Variants in GPM6A observed in about 807,000 individuals in gnomAD.
GPM6A encodes the protein glycoprotein M6A, also known as neuronal membrane glycoprotein M6-a.
GPM6A carries 7 observed loss-of-function variants against 32.1 expected under a neutral mutation model. That is an observed-to-expected ratio of 0.22 (90% CI 0.12 to 0.41). GPM6A has a LOEUF of 0.41. GPM6A is among the 10% of genes least tolerant of loss of function. The pLI, the probability that GPM6A is intolerant of heterozygous loss-of-function variation, is 1.00. For synonymous variants in GPM6A, 130 were observed against 123.4 expected (o/e 1.05, Z -0.35); for missense variants, 235 against 347.2 (o/e 0.68, Z 2.57).
At chr4:175,830,324 CAT>C (rs1258323832) in intron 1 of GPM6A, among the ~76,000 whole-genome samples, 3 of 152,146 alleles carry the variant, frequency 2.0e-5, no homozygotes, top group Non-Finnish European at 4.4e-5. Context: ...ACGTTTGCTA[CAT>C]CACATTTTTT....
chr4:175,823,485 G>T (rs1480674040), intron 1 of GPM6A, among the ~76,000 whole-genome samples: 1 of 152,188 alleles, frequency 6.6e-6, no homozygotes, highest in Non-Finnish European at 1.5e-5. Context: ...ACAGACAAGG[G>T]GGAGGGGTGT....
At chr4:175,835,933 G>A (rs1362485132) in intron 1 of GPM6A, among the ~76,000 whole-genome samples, 3 of 147,556 alleles carry the variant, frequency 2.0e-5, no homozygotes, top group Non-Finnish European at 4.5e-5. Flanking sequence ...TGTAGAACGT[G>A]GAAAGTTTTT....
At chr4:175,650,666 GA>G (rs907387991) in intron 4 of GPM6A, among the ~76,000 whole-genome samples, 1 of 152,146 alleles carries the variant, frequency 6.6e-6, no homozygotes, top group African/African-American at 2.4e-5. Context: ...CACGGGGACT[GA>G]AGGCTTCATC....
chr4:175,656,842 A>T (rs1039958862), intron 3 of GPM6A, among the ~76,000 whole-genome samples: 4 of 152,104 alleles, frequency 2.6e-5, no homozygotes, highest in African/African-American at 9.7e-5. Context: ...AAGCCAGCTG[A>T]CTCTGATTGC....
intron 1 of GPM6A, among the ~76,000 whole-genome samples, chr4:175,825,097 T>C (rs756634750): frequency 1.3e-5 from 2 of 152,222 alleles, no homozygotes; most frequent in Non-Finnish European, 2.9e-5. Flanking sequence ...TGTATATCTC[T>C]TGTAGCCCAT....
chr4:175,779,165 TTATC>T (rs1240224086), intron 1 of GPM6A, among the ~76,000 whole-genome samples: 1 of 152,162 alleles, frequency 6.6e-6, no homozygotes, highest in Non-Finnish European at 1.5e-5. Flanking sequence ...CTCTTGTTCT[TTATC>T]TATCCTGTGA....
At chr4:175,818,694 G>A (rs955665147) in intron 1 of GPM6A, among the ~76,000 whole-genome samples, 1 of 152,212 alleles carries the variant, frequency 6.6e-6, no homozygotes, top group Non-Finnish European at 1.5e-5. Flanking sequence ...ATGTTTATCT[G>A]CTTCCACAAA....
intron 1 of GPM6A, among the ~76,000 whole-genome samples, chr4:175,948,953 TG>T (rs958691797): frequency 9.6e-6 from 1 of 103,700 alleles, no homozygotes; most frequent in African/African-American, 4.4e-5. Flanking sequence ...CTGCATTTGG[TG>T]GTAAGTGTGT....
chr4:175,859,188 T>C (rs1247960996), intron 1 of GPM6A, among the ~76,000 whole-genome samples: 1 of 152,194 alleles, frequency 6.6e-6, no homozygotes. Context: ...TATAAATATG[T>C]TGAAATGTCA....
chr4:175,880,799 G>T (rs1405931462), intron 1 of GPM6A, among the ~76,000 whole-genome samples: 3 of 152,138 alleles, frequency 2.0e-5, no homozygotes, highest in African/African-American at 7.2e-5. Flanking sequence ...AGACGATGGG[G>T]TTTTCTAGAT....
At chr4:175,944,849 T>C (rs1460694675) in intron 1 of GPM6A, among the ~76,000 whole-genome samples, 1 of 152,230 alleles carries the variant, frequency 6.6e-6, no homozygotes, top group African/African-American at 2.4e-5. Context: ...ATGCGTTTTG[T>C]AGGCTTTACC....
intron 1 of GPM6A, among the ~76,000 whole-genome samples, chr4:175,984,901 A>G (rs1050133853): frequency 1.3e-5 from 2 of 152,158 alleles, no homozygotes; most frequent in African/African-American, 4.8e-5. Context: ...CTCCCCTATT[A>G]TATATCAAGG....
At chr4:175,990,219 C>T (rs1223417926) in intron 1 of GPM6A, among the ~76,000 whole-genome samples, 1 of 152,144 alleles carries the variant, frequency 6.6e-6, no homozygotes. Flanking sequence ...ATATTTTCTT[C>T]CTTTTTATTA....
chr4:175,655,287 A>G (rs1037642815), intron 3 of GPM6A, among the ~76,000 whole-genome samples: 3 of 152,110 alleles, frequency 2.0e-5, no homozygotes, highest in Non-Finnish European at 4.4e-5. Flanking sequence ...AGGGTGTAGC[A>G]GTTCACTAAA....
At chr4:175,840,895 T>C (rs939670785) in intron 1 of GPM6A, among the ~76,000 whole-genome samples, 3 of 151,950 alleles carry the variant, frequency 2.0e-5, no homozygotes, top group African/African-American at 4.8e-5. Context: ...ATAACATTAA[T>C]TGAGTTCCCG....
chr4:175,945,799 T>C (rs1739581794), intron 1 of GPM6A, among the ~76,000 whole-genome samples: 1 of 148,864 alleles, frequency 6.7e-6, no homozygotes, highest in African/African-American at 2.6e-5. Context: ...TACGGGTGCA[T>C]ATTACGTACA....
At chr4:175,708,296 T>C (rs1435176933) in intron 1 of GPM6A, among the ~76,000 whole-genome samples, 3 of 152,216 alleles carry the variant, frequency 2.0e-5, no homozygotes, top group South Asian at 2.1e-4. Context: ...ATAACTGTGA[T>C]GACATTTGTG....
At chr4:175,699,607 T>C (rs1016435057) in intron 2 of GPM6A, among the ~76,000 whole-genome samples, 2 of 152,188 alleles carry the variant, frequency 1.3e-5, no homozygotes, top group African/African-American at 4.8e-5. Context: ...CACTTCTTAA[T>C]TTAGTAGCTA....
intron 1 of GPM6A, among the ~76,000 whole-genome samples, chr4:175,793,599 C>T (rs1200121838): frequency 1.3e-5 from 2 of 152,144 alleles, no homozygotes; most frequent in African/African-American, 4.8e-5. Flanking sequence ...TGGTCTCAAA[C>T]TCCTGACCTC....
Sources: allele counts gnomAD v4.1 joint callset (sites outside exome capture counted in the v4.1 genomes callset), GRCh38; gene constraint gnomAD v4.1.1; transcripts MANE v1.5; gene names NCBI Gene and HGNC (gene_info 2026-07-23, HGNC 2026-07-21).